The following NRXN3 variants were observed in gnomAD, a reference collection of about 807,000 sequenced individuals.
The protein encoded by NRXN3 is neurexin III.
A neutral mutation model predicts 137.6 loss-of-function variants in NRXN3; 32 were observed. The observed-to-expected ratio is 0.23, with a 90% CI of 0.18 to 0.31. NRXN3 has a LOEUF of 0.31. NRXN3 is among the 10% of genes least tolerant of loss of function. NRXN3 has a pLI of 1.00. For missense variants in NRXN3, 1,574 were observed against 2,062.5 expected (o/e 0.76, Z 4.59); for synonymous variants, 798 against 784.5 (o/e 1.02, Z -0.29).
At chr14:78,635,947 TG>T (rs1566943249) in intron 4 of NRXN3, among the ~76,000 whole-genome samples, 1 of 152,184 alleles carries the variant, frequency 6.6e-6, no homozygotes, top group African/African-American at 2.4e-5. Flanking sequence ...TATATTTTCT[TG>T]TCATTGAACT....
At chr14:78,634,571 C>T (rs770441612) in intron 4 of NRXN3, among the ~76,000 whole-genome samples, 1 of 152,150 alleles carries the variant, frequency 6.6e-6, no homozygotes, top group Non-Finnish European at 1.5e-5. Flanking sequence ...ACATGTAGAA[C>T]CTATAGTAGA....
At chr14:78,339,955 C>T (rs1299616338) in intron 4 of NRXN3, among the ~76,000 whole-genome samples, 1 of 152,084 alleles carries the variant, frequency 6.6e-6, no homozygotes, top group Non-Finnish European at 1.5e-5. Context: ...CCTTTTAATC[C>T]AGAATCTTCG....
At chr14:78,642,190 A>C (rs2097641756) in intron 4 of NRXN3, among the ~76,000 whole-genome samples, 1 of 152,218 alleles carries the variant, frequency 6.6e-6, no homozygotes, top group South Asian at 2.1e-4. Context: ...GAATATTTAG[A>C]CTAAGAAAAG....
intron 15 of NRXN3, among the ~76,000 whole-genome samples, chr14:79,431,583 T>C (rs572373775): frequency 6.6e-6 from 1 of 152,158 alleles, no homozygotes; most frequent in Admixed American, 6.6e-5. Context: ...AGCAAAGAAA[T>C]AAAATCTAAC....
chr14:78,183,335 C>T (rs1566921332), intron 1 of NRXN3, among the ~76,000 whole-genome samples: 1 of 152,116 alleles, frequency 6.6e-6, no homozygotes, highest in Non-Finnish European at 1.5e-5. Flanking sequence ...AGTTTTGTGT[C>T]CCACCCTCTG....
chr14:78,962,667 A>G (rs2099410341), intron 11 of NRXN3, among the ~76,000 whole-genome samples: 1 of 152,170 alleles, frequency 6.6e-6, no homozygotes, highest in Non-Finnish European at 1.5e-5. Flanking sequence ...ACAAAGGAGT[A>G]AATTCGTTTA....
intron 1 of NRXN3, 39 bp from the exon 2 acceptor site, chr14:78,242,352 C>G (rs766229011): frequency 2.0e-5 from 3 of 152,244 alleles, no homozygotes; most frequent in Non-Finnish European, 4.4e-5. Context: ...ATATATGGTC[C>G]TAATCTTCCT....
At chr14:79,659,551 G>A (rs760223364) in intron 16 of NRXN3, among the ~76,000 whole-genome samples, 13 of 152,092 alleles carry the variant, frequency 8.5e-5, no homozygotes, top group Non-Finnish European at 1.9e-4. Flanking sequence ...AAGCCAACTA[G>A]CCCTTAGCTC....
intron 4 of NRXN3, among the ~76,000 whole-genome samples, chr14:78,514,323 G>A (rs546880263): frequency 2.0e-5 from 3 of 152,264 alleles, no homozygotes; most frequent in African/African-American, 7.2e-5. Flanking sequence ...AAGATTCTGT[G>A]GAAGATGTGA....
At chr14:78,663,387 G>A (rs2097856160) in intron 6 of NRXN3, among the ~76,000 whole-genome samples, 1 of 152,174 alleles carries the variant, frequency 6.6e-6, no homozygotes, top group South Asian at 2.1e-4. Context: ...GCCATTGATT[G>A]TTCTGAGAGG....
chr14:79,358,942 G>A (rs924409203), intron 15 of NRXN3, among the ~76,000 whole-genome samples: 4 of 152,166 alleles, frequency 2.6e-5, no homozygotes, highest in Non-Finnish European at 4.4e-5. Context: ...TTTCGATGCA[G>A]GAAGTTAATG....
intron 4 of NRXN3, among the ~76,000 whole-genome samples, chr14:78,437,352 T>TTA (rs1036997935): frequency 2.0e-5 from 3 of 151,242 alleles, no homozygotes; most frequent in African/African-American, 7.3e-5. Flanking sequence ...TTTTTCTTTT[T>TTA]TTTTTTTTAT....
At chr14:79,482,574 G>A (rs2096619204) in intron 16 of NRXN3, among the ~76,000 whole-genome samples, 1 of 151,968 alleles carries the variant, frequency 6.6e-6, no homozygotes, top group Non-Finnish European at 1.5e-5. Context: ...AATGACTATG[G>A]CCATTTCTAT....
chr14:78,522,441 A>G (rs2096297419), intron 4 of NRXN3, among the ~76,000 whole-genome samples: 2 of 152,188 alleles, frequency 1.3e-5, no homozygotes, highest in Admixed American at 1.3e-4. Flanking sequence ...GAGTAGACTC[A>G]TTGATTTCTG....
chr14:79,392,969 C>CAAAAAAAA (rs3036678), intron 15 of NRXN3, among the ~76,000 whole-genome samples: 1 of 60,678 alleles, frequency 1.6e-5, no homozygotes, highest in Non-Finnish European at 2.8e-5. Context: ...GGCTCCATCT[C>CAAAAAAAA]AAAAAAAAAA....
chr14:78,738,591 C>G (rs1445618560), intron 8 of NRXN3, among the ~76,000 whole-genome samples: 1 of 152,192 alleles, frequency 6.6e-6, no homozygotes, highest in African/African-American at 2.4e-5. Flanking sequence ...TTCTTCCATG[C>G]TGTTTGTTGC....
intron 10 of NRXN3, among the ~76,000 whole-genome samples, chr14:78,904,918 G>A (rs1271157527): frequency 1.3e-5 from 2 of 151,858 alleles, no homozygotes; most frequent in Admixed American, 1.3e-4. Context: ...CACCTACCAT[G>A]TGGTATTACT....
intron 4 of NRXN3, among the ~76,000 whole-genome samples, chr14:78,472,877 T>G: frequency 6.6e-6 from 1 of 151,754 alleles, no homozygotes; most frequent in South Asian, 2.1e-4. Flanking sequence ...TTGCAAAGTC[T>G]CAGGTGAAAT....
chr14:78,776,385 A>G (rs1382208411), intron 8 of NRXN3, among the ~76,000 whole-genome samples: 1 of 151,586 alleles, frequency 6.6e-6, no homozygotes, highest in Non-Finnish European at 1.5e-5. Flanking sequence ...ATAGAGACAG[A>G]TATAATCCTT....
Sources: gnomAD v4.1 joint callset for allele counts (sites outside exome capture counted in the v4.1 genomes callset) on GRCh38, gnomAD v4.1.1 for gene constraint, MANE v1.5 for transcripts, NCBI Gene and HGNC (gene_info 2026-07-23, HGNC 2026-07-21) for gene names.